Variants in NSG2 observed in about 807,000 individuals in gnomAD.
The protein encoded by NSG2 is neuronal vesicle trafficking associated 2, also known as neuronal vesicle trafficking-associated protein 2.
In NSG2, 4 loss-of-function variants were observed where a neutral mutation model predicts 16.9. The ratio of observed to expected loss-of-function variants is 0.24; its 90% confidence interval spans 0.12 to 0.54. The LOEUF (loss-of-function observed/expected upper bound fraction) is 0.54. Ranked by LOEUF, NSG2 falls within the 20% of genes least tolerant of loss-of-function variation. The probability of loss-of-function intolerance (pLI) is 0.95; values close to 1 mark genes in which losing one functional copy is unlikely to be tolerated. For missense variants in NSG2, 179 were observed against 221.1 expected (o/e 0.81, Z 1.21); for synonymous variants, 98 against 88.7 (o/e 1.11, Z -0.59).
intron 4 of NSG2, among the ~76,000 whole-genome samples, chr5:174,105,748 A>G (rs1760970181): frequency 6.6e-6 from 1 of 152,186 alleles, no homozygotes; most frequent in Non-Finnish European, 1.5e-5. Flanking sequence ...TAAAAATACA[A>G]AATTAGCCAG....
intron 3 of NSG2, among the ~76,000 whole-genome samples, chr5:174,097,141 G>A (rs1209423340): frequency 5.9e-5 from 9 of 152,086 alleles, no homozygotes. Context: ...GTGGGGCAGC[G>A]GTCGCTGTGA....
chr5:174,066,989 CAAAAAAA>C lies in NSG2; in HGVS notation c.213+2695_213+2701del, dbSNP rs543368373. On this transcript the variant is annotated intron_variant, in intron 3 of 4. Transcript: ENST00000303177. ...TGGGCGACAGAGCGAGACTCTGTCT[CAAAAAAA>C]AAAAAAAAAAAAAAAAAAAAGAAAT... Among the ~76,000 whole-genome samples, 102 of 27,920 alleles carry C rather than the reference CAAAAAAA, an allele frequency of 3.7e-3. No homozygotes were observed. The East Asian group carries it at 0.1, about 28-fold the overall frequency. The allele number at this position is 27,920 out of a possible 152,430, so 18.3% of individuals were successfully genotyped here.
intron 3 of NSG2, among the ~76,000 whole-genome samples, chr5:174,081,987 T>C (rs1216093321): frequency 1.3e-5 from 2 of 152,266 alleles, no homozygotes; most frequent in Middle Eastern, 3.4e-3. Context: ...TTTCTTTATA[T>C]ATTTTTTAAA....
At chr5:174,079,735 C>G (rs1050178445) in intron 3 of NSG2, among the ~76,000 whole-genome samples, 1 of 152,156 alleles carries the variant, frequency 6.6e-6, no homozygotes, top group African/African-American at 2.4e-5. Flanking sequence ...TTGTTATTTC[C>G]TCAGTCGTCC....
chr5:174,099,081 C>G (rs900106630), intron 3 of NSG2, among the ~76,000 whole-genome samples: 1 of 152,110 alleles, frequency 6.6e-6, no homozygotes, highest in African/African-American at 2.4e-5. Context: ...CCCGGCATGG[C>G]GGGAGCTTTG....
chr5:174,065,713 A>G (rs1021509128), intron 3 of NSG2, among the ~76,000 whole-genome samples: 2 of 152,202 alleles, frequency 1.3e-5, no homozygotes, highest in Non-Finnish European at 2.9e-5. Flanking sequence ...TAGGAGGCAA[A>G]CAATCAGCCC....
At chr5:174,080,116 T>G (rs1036689517) in intron 3 of NSG2, among the ~76,000 whole-genome samples, 1 of 152,156 alleles carries the variant, frequency 6.6e-6, no homozygotes, top group Non-Finnish European at 1.5e-5. Context: ...CCATATGGGT[T>G]TCAGTCTACT....
At chr5:174,095,614 T>C (rs1157679747) in intron 3 of NSG2, among the ~76,000 whole-genome samples, 5 of 152,124 alleles carry the variant, frequency 3.3e-5, no homozygotes, top group Non-Finnish European at 5.9e-5. Context: ...TTAACTAAAT[T>C]ACATCTGCAA....
At chr5:174,074,621 AG>A (rs1204505209) in intron 3 of NSG2, among the ~76,000 whole-genome samples, 2 of 152,058 alleles carry the variant, frequency 1.3e-5, no homozygotes, top group Non-Finnish European at 2.9e-5. Context: ...TAGGGGCTGC[AG>A]TGTGATGTCC....
At chr5:174,062,065 A>G (rs921869591) in intron 2 of NSG2, among the ~76,000 whole-genome samples, 10 of 152,106 alleles carry the variant, frequency 6.6e-5, no homozygotes, top group Admixed American at 4.6e-4. Flanking sequence ...CTCAGTATCT[A>G]TGGAAGAAAA....
intron 3 of NSG2, among the ~76,000 whole-genome samples, chr5:174,098,837 T>C (rs1281689642): frequency 6.6e-6 from 1 of 152,116 alleles, no homozygotes; most frequent in Non-Finnish European, 1.5e-5. Context: ...GATTCCGTGG[T>C]GAGGACTGTG....
At chr5:174,103,619 G>A (rs1760934266) in intron 3 of NSG2, among the ~76,000 whole-genome samples, 1 of 152,126 alleles carries the variant, frequency 6.6e-6, no homozygotes, top group Non-Finnish European at 1.5e-5. Flanking sequence ...TAGTTATCAG[G>A]AAAAGGAAAA....
intron 3 of NSG2, among the ~76,000 whole-genome samples, chr5:174,102,018 G>A (rs971297357): frequency 6.6e-6 from 1 of 152,202 alleles, no homozygotes; most frequent in Non-Finnish European, 1.5e-5. Context: ...TCCAGGGCAG[G>A]AGGCTGATAA....
At chr5:174,067,199 AT>A (rs928214421) in intron 3 of NSG2, among the ~76,000 whole-genome samples, 9 of 151,846 alleles carry the variant, frequency 5.9e-5, no homozygotes, top group Non-Finnish European at 7.4e-5. Context: ...AGGGCTATAT[AT>A]TTTTTTTGTC....
chr5:174,106,239 T>G (rs905552135), intron 4 of NSG2, among the ~76,000 whole-genome samples: 16 of 152,334 alleles, frequency 1.1e-4, no homozygotes, highest in African/African-American at 3.8e-4. Flanking sequence ...CTTAAATATT[T>G]GTCCTTGAAA....
At chr5:174,070,189 G>C (rs12523232) in intron 3 of NSG2, among the ~76,000 whole-genome samples, 20,249 of 152,036 alleles carry the variant, frequency 0.13, 1,810 homozygotes, top group African/African-American at 0.25. Flanking sequence ...GCCCCGTCTG[G>C]TCATTTTTTT....
intron 3 of NSG2, among the ~76,000 whole-genome samples, chr5:174,083,542 A>G (rs67756592): frequency 0.15 from 22,983 of 152,162 alleles, 2,224 homozygotes; most frequent in African/African-American, 0.26. Context: ...ATTTCAAGCC[A>G]AGCTCAGGCG....
intron 3 of NSG2, among the ~76,000 whole-genome samples, chr5:174,097,651 CAGTG>C (rs765588974): frequency 1.7e-4 from 24 of 138,466 alleles, no homozygotes; most frequent in African/African-American, 4.6e-4. Flanking sequence ...GTTTCTCTCT[CAGTG>C]AGTGTGTGTG....
At chr5:174,066,772 C>T (rs1321721554) in intron 3 of NSG2, among the ~76,000 whole-genome samples, 2 of 151,696 alleles carry the variant, frequency 1.3e-5, no homozygotes, top group Admixed American at 1.3e-4. Context: ...GGCTGTGTCA[C>T]GAGGTCAGGA....
Sources: allele counts gnomAD v4.1 joint callset (sites outside exome capture counted in the v4.1 genomes callset), GRCh38; gene constraint gnomAD v4.1.1; transcripts MANE v1.5; gene names NCBI Gene and HGNC (gene_info 2026-07-23, HGNC 2026-07-21).